Variants in MTX2 observed in about 807,000 individuals in gnomAD.
MTX2 encodes the protein metaxin-2.
In MTX2, 35 loss-of-function variants were observed where a neutral mutation model predicts 42.3. The observed-to-expected ratio is 0.83, with a 90% confidence interval of 0.63 to 1.10. MTX2 has a LOEUF of 1.10. Among genes scored for constraint, MTX2 ranks in the 50% least tolerant of loss-of-function variants. The probability of loss-of-function intolerance (pLI) is 0.00; values close to 1 mark genes in which losing one functional copy is unlikely to be tolerated. For synonymous variants in MTX2, 119 were observed against 100.9 expected (o/e 1.18, Z -1.08); for missense variants, 307 against 304.1 (o/e 1.01, Z -0.07).
Position 176,270,850 on chromosome 2 carries a change from C to T in MTX2, c.40+1181C>T, listed in dbSNP as rs780028005. Among the ~76,000 whole-genome samples, 4 of 151,976 alleles carry T rather than the reference C, an allele frequency of 2.6e-5. No individual in the cohort carries two copies. In the East Asian group the frequency reaches 7.7e-4, roughly 29 times the overall value. ...TCAGTTGGTGCTCAATAAATATTTG[C>T]GACCCAAATCAATGACTAATCTTGA... On this transcript the variant is annotated intron_variant, in intron 1 of 9. Transcript: ENST00000249442.
chr2:176,295,319 G>T (rs1683834772), intron 1 of MTX2, among the ~76,000 whole-genome samples: 1 of 152,106 alleles, frequency 6.6e-6, no homozygotes, highest in East Asian at 1.9e-4. Context: ...AGCAATATAG[G>T]TGTGCTGACC....
rs184602368 is a variant in MTX2 at position 176,311,064 on chromosome 2, A to G, written c.136-12328A>G. ...CTACCTTTGGTCTTTGATGTTGGTGACCTACAAATGGGGTTTTGGTGTAGA... is the reference window on the plus strand; with the variant it reads ...CTACCTTTGGTCTTTGATGTTGGTGGCCTACAAATGGGGTTTTGGTGTAGA... On this transcript the variant is annotated intron_variant, in intron 3 of 9. Transcript: ENST00000249442. Among the ~76,000 whole-genome samples the G allele has an allele frequency of 3.3e-5, 5 of 152,230 alleles. No individual in the cohort carries two copies. The East Asian group carries it at 9.7e-4, about 29-fold the overall frequency.
At chr2:176,284,818 A>G (rs1486586437) in intron 1 of MTX2, among the ~76,000 whole-genome samples, 1 of 152,210 alleles carries the variant, frequency 6.6e-6, no homozygotes, top group Non-Finnish European at 1.5e-5. Context: ...ATCTTATCTC[A>G]AGTGCCATCT....
At chr2:176,302,096 T>C (rs7599408) in intron 3 of MTX2, among the ~76,000 whole-genome samples, 9,008 of 151,838 alleles carry the variant, frequency 0.059, 297 homozygotes, top group Non-Finnish European at 0.079. Context: ...TTTCGCTTCA[T>C]GTATGTGAAG....
chr2:176,293,588 C>A (rs556224754), intron 1 of MTX2, among the ~76,000 whole-genome samples: 3 of 152,176 alleles, frequency 2.0e-5, no homozygotes, highest in African/African-American at 7.2e-5. Context: ...CATCTCCCCC[C>A]CTTCTCTTGC....
At chr2:176,314,816 A>T (rs1166989300) in intron 3 of MTX2, among the ~76,000 whole-genome samples, 1 of 152,158 alleles carries the variant, frequency 6.6e-6, no homozygotes. Context: ...AAAACTTCTC[A>T]TTTAACTAAG....
At chr2:176,307,828 A>G (rs974892954) in intron 3 of MTX2, among the ~76,000 whole-genome samples, 5 of 152,148 alleles carry the variant, frequency 3.3e-5, no homozygotes, top group Admixed American at 6.5e-5. Flanking sequence ...TAAATATACA[A>G]TCATATCATC....
chr2:176,296,809 T>A (rs763121769), intron 1 of MTX2, 51 bp from the exon 2 acceptor site: 1 of 1,575,710 alleles, frequency 6.3e-7, no homozygotes, highest in East Asian at 2.2e-5. Context: ...TGGTTTGTTA[T>A]TGATATGTTT....
At chr2:176,330,812 C>G (rs543806634) in intron 9 of MTX2, 152 bp downstream of exon 9, 1 of 568,788 alleles carries the variant, frequency 1.8e-6, no homozygotes, top group African/African-American at 1.9e-5. Flanking sequence ...CTCTCAGGCA[C>G]AGTGCTAGGC....
chr2:176,328,349 C>G lies in MTX2; in HGVS notation c.342C>G (p.Tyr114Ter). ...EEVQKAEMKA[Y>*]MELVNNMLLT... ...TCCAAAAAGCAGAAATGAAAGCTTA[C>G]ATGGAATTAGTCAACAATATGCTGT... The change falls in exon 6 of 10, where the codon TAC (tyrosine) becomes TAG (stop). Residue 114 changes from tyrosine to a stop codon, truncating the protein, a stop_gained. Coordinates refer to ENST00000249442, the MANE Select transcript of MTX2 (RefSeq NM_006554.5). LOFTEE classifies it high-confidence loss of function. 1 of 1,588,622 alleles carries G rather than the reference C, an allele frequency of 6.3e-7. No individual in the cohort carries two copies. The highest frequency in any genetic ancestry group is 2.3e-5 in the East Asian group (1 of 43,806).
intron 1 of MTX2, among the ~76,000 whole-genome samples, chr2:176,270,951 A>T (rs539275007): frequency 4.0e-4 from 61 of 152,108 alleles, no homozygotes; most frequent in Admixed American, 6.5e-4. Flanking sequence ...TAGATCAGCG[A>T]TTTAATTTAG....
chr2:176,303,800 T>A (rs2105419864), intron 3 of MTX2, among the ~76,000 whole-genome samples: 1 of 152,188 alleles, frequency 6.6e-6, no homozygotes, highest in African/African-American at 2.4e-5. Flanking sequence ...TTTTAGTAAT[T>A]AGTGAAATAA....
At chr2:176,329,025 T>TA in intron 7 of MTX2, 113 bp downstream of exon 7, 3 of 1,014,162 alleles carry the variant, frequency 3.0e-6, no homozygotes, top group Non-Finnish European at 4.4e-6. Flanking sequence ...CCATTAGTGA[T>TA]ATAGTTTTTC....
chr2:176,304,101 A>G (rs1684089766), intron 3 of MTX2: 3 of 154,368 alleles, frequency 1.9e-5, no homozygotes, highest in Admixed American at 1.3e-4. Context: ...GCAGCATTAT[A>G]TTTGAGCTGA....
In MTX2 at chr2:176,269,674, C is replaced by T. The variant is rs138864791; in HGVS notation, c.40+5C>T. On this transcript the variant is annotated splice_donor_5th_base_variant and intron_variant, in intron 1 of 9. Transcript: ENST00000249442. Reference sequence around the variant, plus strand: ...CCTTCGTCTCCCAGATTGCAGGTAGCGCGGCTGGCCGCAGACCCAGAAGGT... The same window carrying T: ...CCTTCGTCTCCCAGATTGCAGGTAGTGCGGCTGGCCGCAGACCCAGAAGGT... 5,190 of 1,592,196 alleles carry T rather than the reference C, an allele frequency of 3.3e-3. 14 individuals are homozygous for T. Among genetic ancestry groups the T allele is most frequent in the Admixed American group, 4.8e-3 (279 of 58,100 alleles).
At chr2:176,329,489 T>A in intron 8 of MTX2, 63 bp downstream of exon 8, 1 of 1,453,864 alleles carries the variant, frequency 6.9e-7, no homozygotes, top group Admixed American at 2.1e-5. Context: ...TCATTCTTTA[T>A]ATTGATACTC....
At chr2:176,331,719 A>G (rs1021276203) in intron 9 of MTX2, among the ~76,000 whole-genome samples, 58 of 151,366 alleles carry the variant, frequency 3.8e-4, no homozygotes, top group African/African-American at 1.2e-3. Flanking sequence ...TCCTGTTTCT[A>G]GTGATGTTTG....
chr2:176,292,917 G>A (rs1693359679), intron 1 of MTX2, among the ~76,000 whole-genome samples: 1 of 152,088 alleles, frequency 6.6e-6, no homozygotes, highest in Non-Finnish European at 1.5e-5. Flanking sequence ...AATAAATTTT[G>A]TTTCATTGCT....
rs768992563 is a variant in MTX2 at position 176,282,710 on chromosome 2, GT to G, written c.40+13052del. Among the ~76,000 whole-genome samples, 94 of 138,934 alleles carry G rather than the reference GT, an allele frequency of 6.8e-4. 1 individual carries two copies. The highest frequency in any genetic ancestry group is 1.4e-3 in the African/African-American group (52 of 38,274). The allele number at this position is 138,934 out of a possible 152,430, so 91.1% of individuals were successfully genotyped here. ...TTAGTTTATCTACTTTTTTTTTTTT[GT>G]TTTTTTTTTTGAGATGGAGTCTTGC... On this transcript the variant is annotated intron_variant, in intron 1 of 9. Transcript: ENST00000249442.
Sources: gnomAD v4.1 joint callset for allele counts (sites outside exome capture counted in the v4.1 genomes callset) on GRCh38, gnomAD v4.1.1 for gene constraint, MANE v1.5 for transcripts, NCBI Gene and HGNC (gene_info 2026-07-23, HGNC 2026-07-21) for gene names.